ATP8A2: variants seen among roughly 807,000 people sequenced by gnomAD.
The protein encoded by ATP8A2 is phospholipid-transporting ATPase IB.
A neutral mutation model predicts 165.6 loss-of-function variants in ATP8A2; 100 were observed. The observed-to-expected ratio is 0.60, with a 90% CI of 0.51 to 0.71. The LOEUF (loss-of-function observed/expected upper bound fraction) is 0.71, where lower values mean the gene tolerates loss of function less well. Ranked by LOEUF, ATP8A2 falls within the 30% of genes least tolerant of loss-of-function variation. ATP8A2 has a pLI of 0.00. For missense variants in ATP8A2, 1,227 were observed against 1,479.5 expected, an observed-to-expected ratio of 0.83 and a Z score of 2.80; for synonymous variants, 543 against 548.8, an observed-to-expected ratio of 0.99 and a Z score of 0.15.
intron 1 of ATP8A2, among the ~76,000 whole-genome samples, chr13:25,406,175 A>G (rs539297504): frequency 1.3e-5 from 2 of 151,482 alleles, no homozygotes; most frequent in South Asian, 4.1e-4. Flanking sequence ...ACAGTTTCTC[A>G]GAAAGAAACA....
At chr13:25,468,391 G>A (rs1198110739) in intron 1 of ATP8A2, among the ~76,000 whole-genome samples, 1 of 152,210 alleles carries the variant, frequency 6.6e-6, no homozygotes, top group Admixed American at 6.5e-5. Flanking sequence ...GTGGGAGCGA[G>A]CTCTTCACCC....
At chr13:25,670,715 G>A (rs2042246548) in intron 24 of ATP8A2, among the ~76,000 whole-genome samples, 3 of 152,166 alleles carry the variant, frequency 2.0e-5, no homozygotes, top group African/African-American at 2.4e-5. Flanking sequence ...CTTAGATGAT[G>A]TTCCTCCTGA....
chr13:25,801,944 G>A (rs1023008672), intron 27 of ATP8A2, among the ~76,000 whole-genome samples: 2 of 152,114 alleles, frequency 1.3e-5, no homozygotes, highest in Non-Finnish European at 2.9e-5. Flanking sequence ...ATCAGATCTC[G>A]GGAGAACTCC....
intron 27 of ATP8A2, among the ~76,000 whole-genome samples, chr13:25,793,525 A>G (rs2045236918): frequency 1.3e-5 from 2 of 152,170 alleles, no homozygotes; most frequent in Admixed American, 6.5e-5. Flanking sequence ...TATTGTGCAA[A>G]TGTGTGTATG....
chr13:25,885,722 T>C (rs762964792), intron 33 of ATP8A2, among the ~76,000 whole-genome samples: 5 of 152,204 alleles, frequency 3.3e-5, no homozygotes, highest in Admixed American at 2.0e-4. Context: ...GAAACTGATA[T>C]GAGGGGAATT....
At chr13:25,385,050 T>TC (rs1261011238) in intron 1 of ATP8A2, among the ~76,000 whole-genome samples, 1 of 152,212 alleles carries the variant, frequency 6.6e-6, no homozygotes, top group Admixed American at 6.5e-5. Context: ...GGAAGCCGTC[T>TC]CCAAAGGGCT....
At chr13:25,782,925 G>A (rs190867419) in intron 27 of ATP8A2, among the ~76,000 whole-genome samples, 2 of 152,110 alleles carry the variant, frequency 1.3e-5, no homozygotes, top group South Asian at 2.1e-4. Flanking sequence ...ATTTTTAGGA[G>A]AGACAGGGTT....
chr13:25,480,173 C>G (rs900348558), intron 2 of ATP8A2, among the ~76,000 whole-genome samples: 8 of 143,896 alleles, frequency 5.6e-5, no homozygotes, highest in Admixed American at 5.5e-4. Context: ...GGGGGGCTGA[C>G]CCCCCCACCT....
At chr13:25,762,439 T>C (rs1327123164) in intron 25 of ATP8A2, among the ~76,000 whole-genome samples, 1 of 152,192 alleles carries the variant, frequency 6.6e-6, no homozygotes. Flanking sequence ...CTGCTTTCCA[T>C]GAGTGATGCA....
At chr13:25,591,808 A>C (rs1371148049) in intron 24 of ATP8A2, among the ~76,000 whole-genome samples, 1 of 152,078 alleles carries the variant, frequency 6.6e-6, no homozygotes, top group Non-Finnish European at 1.5e-5. Flanking sequence ...GTCTCAATCC[A>C]ACTTTTGACT....
At chr13:25,814,528 G>A (rs1020464330) in intron 27 of ATP8A2, among the ~76,000 whole-genome samples, 2 of 150,156 alleles carry the variant, frequency 1.3e-5, no homozygotes, top group Admixed American at 6.7e-5. Flanking sequence ...AGACAGATAC[G>A]TAGACCCAAT....
chr13:25,972,635 T>A (rs1436820711), intron 35 of ATP8A2, among the ~76,000 whole-genome samples: 1 of 152,136 alleles, frequency 6.6e-6, no homozygotes, highest in Non-Finnish European at 1.5e-5. Context: ...GCACCGCACA[T>A]GAAATAGTCT....
intron 33 of ATP8A2, among the ~76,000 whole-genome samples, chr13:25,912,927 A>G (rs1035471618): frequency 2.0e-5 from 3 of 152,206 alleles, no homozygotes; most frequent in African/African-American, 7.2e-5. Context: ...GCGTTGGTCA[A>G]CTGAGTAGCC....
intron 24 of ATP8A2, among the ~76,000 whole-genome samples, chr13:25,679,619 T>C (rs931123719): frequency 8.5e-5 from 13 of 152,208 alleles, no homozygotes; most frequent in Non-Finnish European, 1.6e-4. Context: ...TTGTATACCA[T>C]AGACACCTGA....
chr13:25,991,704 C>T lies in ATP8A2; in HGVS notation c.3378-20827C>T, dbSNP rs1236408350. Among the ~76,000 whole-genome samples, 9 of 152,136 alleles carry T rather than the reference C, an allele frequency of 5.9e-5. No individual in the cohort carries two copies. The East Asian group carries it at 1.2e-3, about 20-fold the overall frequency. On this transcript the variant is annotated intron_variant, in intron 35 of 36. Coordinates refer to ENST00000381655, the MANE Select transcript of ATP8A2 (RefSeq NM_016529.6). The stretch of plus-strand genomic sequence containing the variant: ...TTCCTGTTTACTGCTGAGTAATATT[C>T]CACCCAATGCATGTACCACGCGTTG...
At position 25,706,612 on chromosome 13, in the gene ATP8A2, A is replaced by T. The variant is rs536792964; in HGVS notation, c.2384+7267A>T. Among the ~76,000 whole-genome samples, 6 of 152,340 alleles carry T rather than the reference A, an allele frequency of 3.9e-5. No individual in the cohort carries two copies. The South Asian group carries it at 1.2e-3, about 32-fold the overall frequency. ...AGAATTGTACCACCAATTGTGTTTTAGTTGGCCTCCATATTGGTAGGGATC... is the reference window on the plus strand; with the variant it reads ...AGAATTGTACCACCAATTGTGTTTTTGTTGGCCTCCATATTGGTAGGGATC... On this transcript the variant is annotated intron_variant, in intron 25 of 36. Coordinates refer to ENST00000381655, the MANE Select transcript of ATP8A2 (RefSeq NM_016529.6).
chr13:25,410,175 A>G (rs1358454516), intron 1 of ATP8A2, among the ~76,000 whole-genome samples: 1 of 151,960 alleles, frequency 6.6e-6, no homozygotes, highest in Non-Finnish European at 1.5e-5. Context: ...GGCACTTACA[A>G]GTGTAAAAGA....
chr13:25,626,605 C>T (rs1273929118), intron 24 of ATP8A2, among the ~76,000 whole-genome samples: 7 of 151,942 alleles, frequency 4.6e-5, no homozygotes, highest in Non-Finnish European at 7.4e-5. Flanking sequence ...GGAAGGTAGA[C>T]GAATGAATAA....
chr13:25,744,566 A>AT (rs1267930443), intron 25 of ATP8A2, among the ~76,000 whole-genome samples: 2 of 152,222 alleles, frequency 1.3e-5, no homozygotes, highest in Non-Finnish European at 2.9e-5. Flanking sequence ...TACATCAGTG[A>AT]TAAAAATAAT....
Sources: gnomAD v4.1 joint callset for allele counts (sites outside exome capture counted in the v4.1 genomes callset) on GRCh38, gnomAD v4.1.1 for gene constraint, MANE v1.5 for transcripts, NCBI Gene and HGNC (gene_info 2026-07-23, HGNC 2026-07-21) for gene names.